ZSCAN20: variants seen among roughly 807,000 people sequenced by gnomAD.
ZSCAN20 encodes zinc finger and SCAN domain containing 20, also known as zinc finger and SCAN domain-containing protein 20.
Under a neutral mutation model 97.1 loss-of-function variants are expected in ZSCAN20, and 39 were observed. The observed-to-expected ratio is 0.40, with a 90% CI of 0.31 to 0.52. The LOEUF (loss-of-function observed/expected upper bound fraction) is 0.52, where lower values mean the gene tolerates loss of function less well. ZSCAN20 is among the 20% of genes least tolerant of loss of function. ZSCAN20 has a pLI of 0.49. For synonymous variants in ZSCAN20, 456 were observed against 467.3 expected, an observed-to-expected ratio of 0.98 and a Z score of 0.31; for missense variants, 1,115 against 1,290.4, an observed-to-expected ratio of 0.86 and a Z score of 2.08.
Position 33,479,374 on chromosome 1 carries a change from C to T in ZSCAN20, c.86C>T (p.Ser29Phe), listed in dbSNP as rs751894918. 7 of 1,614,142 alleles carry T rather than the reference C, an allele frequency of 4.3e-6. No individual in the cohort carries two copies. In the South Asian group the frequency reaches 6.6e-5, roughly 15 times the overall value. Residue 29 changes from serine (S) to phenylalanine (F), a missense_variant, in exon 2 of 8, where the codon TCT (serine) becomes TTT (phenylalanine). By Grantham distance (155) the Ser-to-Phe change is radical. Around this residue, in one of 3 missense-constraint regions of ZSCAN20, gnomAD observed 508 missense variants for 611.2 expected, o/e 0.83. Transcript: ENST00000684572. ...ELLIVKLEED[S>F]WGSESKLWEK... ...CTGATTGTGAAACTGGAAGAGGACT[C>T]TTGGGGATCAGAATCCAAACTCTGG...
Position 33,491,544 on chromosome 1 carries a change from G to A in ZSCAN20, c.1286G>A (p.Arg429Lys). 2 of 1,614,142 alleles carry A rather than the reference G, an allele frequency of 1.2e-6. No individual in the cohort carries two copies. Among genetic ancestry groups the A allele is most frequent in the African/African-American group, 1.3e-5 (1 of 75,052 alleles). The change falls in exon 6 of 8, where the codon AGG (arginine) becomes AAG (lysine). Residue 429 changes from arginine (R) to lysine (K), a missense_variant. This residue lies in a region of ZSCAN20 where 508 missense variants were observed against 611.2 expected (regional missense o/e 0.83). Transcript: ENST00000684572. This position sits in a 1 kb window ranked among gnomAD's most constrained non-coding sequence, Gnocchi z 4.3. ...DGPGEAVALP[R>K]LGYSDAEMDE... ...CCAGGAGAGGCCGTGGCACTTCCCAGGCTCGGGTATAGTGACGCAGAGATG... is the reference window on the plus strand; with the variant it reads ...CCAGGAGAGGCCGTGGCACTTCCCAAGCTCGGGTATAGTGACGCAGAGATG...
intron 4 of ZSCAN20, 112 bp downstream of exon 4, chr1:33,489,303 C>G (rs186343013): frequency 8.2e-7 from 1 of 1,221,684 alleles, no homozygotes; most frequent in Non-Finnish European, 1.2e-6. Context: ...GCATGAGGCC[C>G]AGGGTGTTAG....
chr1:33,487,446 T>C (rs1375015262), intron 2 of ZSCAN20, among the ~76,000 whole-genome samples: 2 of 152,080 alleles, frequency 1.3e-5, no homozygotes, highest in Non-Finnish European at 2.9e-5. Context: ...GTTGATTGGG[T>C]AATGTTATTT....
intron 1 of ZSCAN20, among the ~76,000 whole-genome samples, chr1:33,477,904 G>T (rs1230621197): frequency 6.6e-6 from 1 of 151,858 alleles, no homozygotes; most frequent in African/African-American, 2.4e-5. Context: ...CTTGTTTCAG[G>T]GTGCAGGGAA....
intron 1 of ZSCAN20, among the ~76,000 whole-genome samples, chr1:33,476,847 T>C (rs1651957337): frequency 6.6e-6 from 1 of 152,240 alleles, no homozygotes; most frequent in Non-Finnish European, 1.5e-5. Flanking sequence ...AATAGTTTAG[T>C]TTAATATAAA....
At chr1:33,481,182 T>A (rs1570549029) in intron 2 of ZSCAN20, among the ~76,000 whole-genome samples, 1 of 151,972 alleles carries the variant, frequency 6.6e-6, no homozygotes, top group East Asian at 1.9e-4. Context: ...TTAATGTACC[T>A]CCCCACCCCC....
Position 33,491,265 on chromosome 1 carries a change from C to T in ZSCAN20, c.1007C>T (p.Ala336Val). ...TATGAGGAGACCAAGACTTTCCTGG[C>T]AATTTTGAGTGAATCTCCTTTCTCT... ...WGYEETKTFL[A>V]ILSESPFSEK... is the part of the protein sequence containing the mutation. The change falls in exon 6 of 8, where the codon GCA becomes GTA. Residue 336 changes from alanine (A) to valine (V), a missense_variant. By Grantham distance (64) the Ala-to-Val change is moderately conservative. Transcript: ENST00000684572. The surrounding 1 kb of genome is among the most constrained non-coding windows in gnomAD (Gnocchi z 4.3). 25 of 1,614,126 alleles carry T rather than the reference C, an allele frequency of 1.5e-5. No individual in the cohort carries two copies. Among genetic ancestry groups the T allele is most frequent in the Non-Finnish European group, 2.1e-5 (25 of 1,180,026 alleles).
chr1:33,481,611 A>G lies in ZSCAN20; in HGVS notation c.417+1906A>G, dbSNP rs74680068. 7.9e-3 allele frequency among the ~76,000 whole-genome samples: 1,207 copies of G among 152,242 alleles called. 19 individuals carry two copies. The highest frequency in any genetic ancestry group is 0.027 in the African/African-American group (1,131 of 41,530). On this transcript the variant is annotated intron_variant, in intron 2 of 7. Coordinates refer to ENST00000684572, the MANE Select transcript of ZSCAN20 (RefSeq NM_001377376.1). Reference sequence around the variant, plus strand: ...GTAGCTTGTGATCTTACATTGCAAGATATATAACTTAGTTGCATTCTCTGC... The same window carrying G: ...GTAGCTTGTGATCTTACATTGCAAGGTATATAACTTAGTTGCATTCTCTGC...
At position 33,491,863 on chromosome 1, in the gene ZSCAN20, C is replaced by A; in HGVS notation, c.1444+161C>A. ...TCCTCAAACTCCAACTTTCTTTTCC[C>A]ATGACCAAGTCTCTTTGCAAAAGTC... On this transcript the variant is annotated intron_variant, in intron 6 of 7. Coordinates refer to ENST00000684572, the MANE Select transcript of ZSCAN20 (RefSeq NM_001377376.1). This position sits in a 1 kb window ranked among gnomAD's most constrained non-coding sequence, Gnocchi z 4.3. The A allele has an allele frequency of 1.5e-6, 1 of 649,738 alleles. No individual in the cohort carries two copies. Among genetic ancestry groups the A allele is most frequent in the Non-Finnish European group, 2.4e-6 (1 of 421,134 alleles). The allele number at this position is 649,738 out of a possible 1,614,324, so 40.2% of individuals were successfully genotyped here. A position where few individuals can be genotyped will look rare whatever the true frequency, so the allele number is the denominator to read the frequency against.
At chr1:33,473,418 C>T (rs1031364763) in intron 1 of ZSCAN20, among the ~76,000 whole-genome samples, 3 of 152,096 alleles carry the variant, frequency 2.0e-5, no homozygotes, top group Non-Finnish European at 4.4e-5. Flanking sequence ...TGATCTGTTT[C>T]ACCTACAAAT....
At position 33,491,465 on chromosome 1, in the gene ZSCAN20, G is replaced by C; in HGVS notation, c.1207G>C (p.Glu403Gln). 6 of 1,614,180 alleles carry C rather than the reference G, an allele frequency of 3.7e-6. No individual in the cohort carries two copies. Among genetic ancestry groups the C allele is most frequent in the Non-Finnish European group, 5.1e-6 (6 of 1,180,018 alleles). The change falls in exon 6 of 8, where the codon GAG (glutamate) becomes CAG (glutamine). Residue 403 changes from glutamate (E) to glutamine (Q), a missense_variant. Glu to Gln is a conservative substitution (Grantham distance 29). Transcript: ENST00000684572. The surrounding 1 kb of genome is among the most constrained non-coding windows in gnomAD (Gnocchi z 4.3). ...CCCACCAGGTACCTGCCCCTTCTAT[G>C]AGGAGCTGGAGGCCCTGGTCAGGGC... Reference protein sequence around the residue: ...SHPPGTCPFYEELEALVRART... With the variant: ...SHPPGTCPFYQELEALVRART...
At position 33,494,240 on chromosome 1, in the gene ZSCAN20, T is replaced by A; in HGVS notation, c.1896T>A (p.Asp632Glu). Residue 632 changes from aspartate to glutamate, a missense_variant, in exon 8 of 8, where the codon GAT becomes GAA. Physicochemically the swap from Asp to Glu is conservative, Grantham distance 45. Transcript: ENST00000684572. The part of the protein sequence containing the change: ...PDMGFEMRHE[D>E]EDQISEQDIF... ...CAGGTTTTGAAATGAGGCATGAGGA[T>A]GAAGACCAGATTTCAGAGCAGGACA... 6.3e-7 allele frequency: 1 copy of A among 1,581,100 alleles called. No individual in the cohort carries two copies. The highest frequency in any genetic ancestry group is 8.6e-7 in the Non-Finnish European group (1 of 1,164,780).
intron 2 of ZSCAN20, among the ~76,000 whole-genome samples, chr1:33,486,380 A>G (rs763722371): frequency 6.6e-6 from 1 of 152,174 alleles, no homozygotes; most frequent in Non-Finnish European, 1.5e-5. Context: ...CTTCTGCTCC[A>G]CTAAGTTGTG....
rs556340156 is a variant in ZSCAN20, at chr1:33,498,214, A to G, written c.*2738A>G. Among the ~76,000 whole-genome samples the G allele has an allele frequency of 5.3e-5, 8 of 152,298 alleles. No homozygotes were observed. The highest frequency in any genetic ancestry group is 3.9e-4 in the Admixed American group (6 of 15,300). Reference sequence around the variant, plus strand: ...TCTGGAGCCCTCACTGTGGAAGTCAAGCTGAGCTCTGTGTGGATGTGAGGT... The same window carrying G: ...TCTGGAGCCCTCACTGTGGAAGTCAGGCTGAGCTCTGTGTGGATGTGAGGT... On this transcript the variant is annotated 3_prime_UTR_variant, in exon 8 of 8. Transcript: ENST00000684572.
chr1:33,474,181 A>C (rs1351342293), intron 1 of ZSCAN20, among the ~76,000 whole-genome samples: 1 of 152,216 alleles, frequency 6.6e-6, no homozygotes, highest in Non-Finnish European at 1.5e-5. Context: ...CTGTACTCAG[A>C]GCCCTCAGCA....
intron 5 of ZSCAN20, among the ~76,000 whole-genome samples, chr1:33,490,129 C>G (rs1652541209): frequency 6.6e-6 from 1 of 152,100 alleles, no homozygotes; most frequent in South Asian, 2.1e-4. Flanking sequence ...GGGAGTTAGA[C>G]ATGTGAATAG....
Position 33,501,178 on chromosome 1 carries a change from G to T in ZSCAN20, c.*5702G>T, listed in dbSNP as rs577954616. Among the ~76,000 whole-genome samples the T allele has an allele frequency of 6.6e-6, 1 of 152,252 alleles. No individual in the cohort carries two copies. The highest frequency in any genetic ancestry group is 2.1e-4 in the South Asian group (1 of 4,822). On this transcript the variant is annotated 3_prime_UTR_variant, in exon 8 of 8. Transcript: ENST00000684572. ...CGTATGAGGTCGCCAACCCAACCCT[G>T]TTCCTGAAGTTTCCCAGAAATAGAT...
At chr1:33,487,120 A>G (rs1023664830) in intron 2 of ZSCAN20, among the ~76,000 whole-genome samples, 3 of 152,242 alleles carry the variant, frequency 2.0e-5, no homozygotes, top group Admixed American at 6.5e-5. Context: ...AAGAAACTCT[A>G]AAAGAATGCA....
intron 5 of ZSCAN20, among the ~76,000 whole-genome samples, chr1:33,490,347 T>C (rs1171956444): frequency 6.6e-6 from 1 of 152,208 alleles, no homozygotes; most frequent in Non-Finnish European, 1.5e-5. Flanking sequence ...CAAATATTTA[T>C]TTCAATTAAA....
Sources: gnomAD v4.1 joint callset for allele counts (sites outside exome capture counted in the v4.1 genomes callset) on GRCh38, gnomAD v4.1.1 for gene constraint, gnomAD v4.1.1 regional missense constraint, Gnocchi (gnomAD v3.1) non-coding constraint, MANE v1.5 for transcripts, NCBI Gene and HGNC (gene_info 2026-07-23, HGNC 2026-07-21) for gene names.